Variants in SNX13 observed in about 807,000 individuals in gnomAD.
The protein encoded by SNX13 is sorting nexin 13, also known as sorting nexin-13.
Under a neutral mutation model 133.6 loss-of-function variants are expected in SNX13, and 45 were observed. That is an observed-to-expected ratio of 0.34 (90% CI 0.27 to 0.43). The LOEUF (loss-of-function observed/expected upper bound fraction) is 0.43, where lower values mean the gene tolerates loss of function less well. SNX13 is among the 20% of genes least tolerant of loss of function. SNX13 has a pLI of 1.00. For missense variants in SNX13, 1,032 were observed against 1,145.1 expected (o/e 0.90, Z 1.43); for synonymous variants, 414 against 373.9 (o/e 1.11, Z -1.24).
At chr7:17,922,957 T>G (rs547063086) in intron 1 of SNX13, among the ~76,000 whole-genome samples, 1 of 152,332 alleles carries the variant, frequency 6.6e-6, no homozygotes, top group Non-Finnish European at 1.5e-5. Context: ...TCACACTGGT[T>G]TACTTTTCAA....
intron 20 of SNX13, among the ~76,000 whole-genome samples, chr7:17,806,501 C>G (rs1269966091): frequency 6.6e-6 from 1 of 152,126 alleles, no homozygotes; most frequent in Non-Finnish European, 1.5e-5. Flanking sequence ...ACCCCAAATT[C>G]TTAATATGCA....
rs776764648 is a variant in SNX13, at chr7:17,868,499, A to C, written c.754-9T>G. 30 of 1,589,224 alleles carry C rather than the reference A, an allele frequency of 1.9e-5. No homozygotes were observed. The Admixed American group carries it at 5.2e-4, about 27-fold the overall frequency. ...CCTCGTGCAAGGATTTCCTGAAAAA[A>C]AAGTAAATAACAAAAACAAATTTAA... On this transcript the variant is annotated splice_polypyrimidine_tract_variant and intron_variant, in intron 8 of 25. Transcript: ENST00000428135.
rs56686049 is a variant in SNX13, at chr7:17,804,234, G to A, written c.2065-654C>T. Among the ~76,000 whole-genome samples the A allele has an allele frequency of 6.3e-3, 965 of 152,140 alleles. 6 individuals carry two copies. Among genetic ancestry groups the A allele is most frequent in the African/African-American group, 0.021 (874 of 41,520 alleles). On this transcript the variant is annotated intron_variant, in intron 20 of 25. Transcript: ENST00000428135. Reference sequence around the variant, plus strand: ...ACAAAAAAAAATGTTTTCCAAAACAGAAATTGATGCAACTAGAATTAGCCA... The same window carrying A: ...ACAAAAAAAAATGTTTTCCAAAACAAAAATTGATGCAACTAGAATTAGCCA...
chr7:17,805,250 T>TGTGTGTGTGTGCGCGCGCGCGC, intron 20 of SNX13, among the ~76,000 whole-genome samples: 10 of 95,556 alleles, frequency 1.0e-4, no homozygotes, highest in South Asian at 3.0e-4. Context: ...TGTGTGTGTG[T>TGTGTGTGTGTGCGCGCGCGCGC]GCGTGCGCGC....
At position 17,845,766 on chromosome 7, in the gene SNX13, A is replaced by G. The variant is rs189058843; in HGVS notation, c.1066-72T>C. On this transcript the variant is annotated intron_variant, in intron 11 of 25. Transcript: ENST00000428135. ...TTGTTAAAGATGTGTACATAAATATAAGGAAAAAAATCAAGCTAAAACGGA... is the reference window on the plus strand; with the variant it reads ...TTGTTAAAGATGTGTACATAAATATGAGGAAAAAAATCAAGCTAAAACGGA... 2.0e-5 allele frequency: 22 copies of G among 1,077,612 alleles called. No individual in the cohort carries two copies. In the East Asian group the frequency reaches 5.4e-4, roughly 26 times the overall value. 66.8% of individuals were successfully genotyped at this position (1,077,612 alleles called of 1,614,324 possible).
At chr7:17,914,503 C>T (rs1799335336) in intron 1 of SNX13, among the ~76,000 whole-genome samples, 1 of 152,096 alleles carries the variant, frequency 6.6e-6, no homozygotes, top group Non-Finnish European at 1.5e-5. Flanking sequence ...CCTATAAAGG[C>T]AAACCCATCA....
At chr7:17,867,618 T>A (rs1209935418) in intron 9 of SNX13, among the ~76,000 whole-genome samples, 3 of 146,180 alleles carry the variant, frequency 2.1e-5, no homozygotes, top group South Asian at 4.3e-4. Context: ...AATAAATAAA[T>A]AAAAATAAAG....
At chr7:17,835,378 G>C (rs1437715754) in intron 13 of SNX13, among the ~76,000 whole-genome samples, 2 of 151,784 alleles carry the variant, frequency 1.3e-5, no homozygotes, top group Admixed American at 1.3e-4. Context: ...AGAGATTACT[G>C]TTATCCTAAA....
At chr7:17,805,211 T>TTGTGTGTG (rs55946438) in intron 20 of SNX13, among the ~76,000 whole-genome samples, 8,947 of 117,912 alleles carry the variant, frequency 0.076, 436 homozygotes, top group Non-Finnish European at 0.093. Flanking sequence ...TAATGATTCT[T>TTGTGTGTG]TGTGTGTGTG....
chr7:17,845,522 T>C, intron 12 of SNX13, 73 bp downstream of exon 12: 2 of 889,346 alleles, frequency 2.2e-6, no homozygotes, highest in Non-Finnish European at 3.4e-6. Flanking sequence ...CTAAATTTTA[T>C]GTGTATTTTA....
Position 17,921,502 on chromosome 7 carries a change from C to A in SNX13, c.12+18782G>T, listed in dbSNP as rs576133598. Reference sequence around the variant, plus strand: ...TTTTTGCTTCAAGTAAAAGCTGCTTCTCCTGCAGCTCTCTCAAACAAAGGC... The same window carrying A: ...TTTTTGCTTCAAGTAAAAGCTGCTTATCCTGCAGCTCTCTCAAACAAAGGC... On this transcript the variant is annotated intron_variant, in intron 1 of 25. Transcript: ENST00000428135. Among the ~76,000 whole-genome samples, 3 of 152,292 alleles carry A rather than the reference C, an allele frequency of 2.0e-5. No homozygotes were observed. The South Asian group carries it at 6.2e-4, about 32-fold the overall frequency.
chr7:17,803,647 T>C, intron 20 of SNX13, 67 bp from the exon 21 acceptor site: 2 of 1,401,732 alleles, frequency 1.4e-6, no homozygotes, highest in Non-Finnish European at 1.9e-6. Context: ...ATGACAAGCC[T>C]TGGAAAATAT....
At chr7:17,896,530 C>G (rs1444894637) in intron 2 of SNX13, among the ~76,000 whole-genome samples, 1 of 152,096 alleles carries the variant, frequency 6.6e-6, no homozygotes, top group Non-Finnish European at 1.5e-5. Context: ...AACCTATAGG[C>G]TCAAAAAACT....
chr7:17,900,314 G>C (rs1797679093), intron 1 of SNX13: 1 of 152,368 alleles, frequency 6.6e-6, no homozygotes, highest in South Asian at 2.1e-4. Flanking sequence ...CCATGGCCTG[G>C]CCACTGCCTA....
At chr7:17,915,689 TAGAC>T (rs1799484973) in intron 1 of SNX13, among the ~76,000 whole-genome samples, 1 of 152,110 alleles carries the variant, frequency 6.6e-6, no homozygotes, top group Non-Finnish European at 1.5e-5. Flanking sequence ...AAACAAGAGT[TAGAC>T]AGTCACACAA....
chr7:17,848,276 C>T (rs2723573), intron 11 of SNX13, among the ~76,000 whole-genome samples: 25,039 of 152,106 alleles, frequency 0.16, 2,499 homozygotes, highest in East Asian at 0.46. Flanking sequence ...TTTCAGCTCC[C>T]CTTCCCACTG....
intron 13 of SNX13, 82 bp downstream of exon 13, chr7:17,839,725 T>A: frequency 5.4e-6 from 6 of 1,118,594 alleles, no homozygotes; most frequent in Non-Finnish European, 7.4e-6. Context: ...TTCGAGGTAG[T>A]CAGCCTGGCA....
At chr7:17,891,194 A>C (rs1796585741) in intron 4 of SNX13, among the ~76,000 whole-genome samples, 1 of 151,906 alleles carries the variant, frequency 6.6e-6, no homozygotes, top group South Asian at 2.1e-4. Flanking sequence ...TTTCTTTTCC[A>C]TTTTTTAAAA....
rs1783676708 is a variant in SNX13 at position 17,792,816 on chromosome 7, A to G, written c.*1229T>C. On this transcript the variant is annotated 3_prime_UTR_variant, in exon 26 of 26. Transcript: ENST00000428135. ...GGATAAAATGGACAGTCAGAAAACT[A>G]TAGGAAATACAGAAGCTCCAAAACT... 2 of 152,364 alleles carry G rather than the reference A, an allele frequency of 1.3e-5. No homozygotes were observed. The highest frequency in any genetic ancestry group is 2.9e-5 in the Non-Finnish European group (2 of 67,858). The allele number at this position is 152,364 out of a possible 1,614,324, so 9.4% of individuals were successfully genotyped here. A position where few individuals can be genotyped will look rare whatever the true frequency, so the allele number is the denominator to read the frequency against.
Sources: gnomAD v4.1 joint callset for allele counts (sites outside exome capture counted in the v4.1 genomes callset) on GRCh38, gnomAD v4.1.1 for gene constraint, MANE v1.5 for transcripts, NCBI Gene and HGNC (gene_info 2026-07-23, HGNC 2026-07-21) for gene names.